Variants in THRB observed in about 807,000 individuals in gnomAD.
The protein encoded by THRB is thyroid hormone receptor beta.
Under a neutral mutation model 47.8 loss-of-function variants are expected in THRB, and 12 were observed. The observed-to-expected ratio is 0.25, with a 90% CI of 0.16 to 0.41. THRB has a LOEUF of 0.41. THRB is among the 10% of genes least tolerant of loss of function. The pLI, the probability that THRB is intolerant of heterozygous loss-of-function variation, is 1.00. For synonymous variants in THRB, 218 were observed against 212.2 expected (o/e 1.03, Z -0.24); for missense variants, 348 against 589.2 (o/e 0.59, Z 4.24).
At chr3:24,404,185 T>C (rs906184330) in intron 1 of THRB, among the ~76,000 whole-genome samples, 4 of 151,976 alleles carry the variant, frequency 2.6e-5, no homozygotes, top group South Asian at 2.1e-4. Flanking sequence ...CATAACTCAG[T>C]GAACCAATAT....
At chr3:24,377,892 T>C (rs2065412222) in intron 1 of THRB, among the ~76,000 whole-genome samples, 1 of 152,114 alleles carries the variant, frequency 6.6e-6, no homozygotes, top group Admixed American at 6.6e-5. Flanking sequence ...ACAGGTTTAA[T>C]GGTAATTTAC....
chr3:24,363,411 G>C (rs1229284446), intron 1 of THRB, among the ~76,000 whole-genome samples: 1 of 152,090 alleles, frequency 6.6e-6, no homozygotes, highest in East Asian at 1.9e-4. Context: ...CAAACACAGG[G>C]TGCCTGAGCT....
intron 1 of THRB, among the ~76,000 whole-genome samples, chr3:24,373,894 A>C (rs2065088956): frequency 6.6e-6 from 1 of 152,090 alleles, no homozygotes; most frequent in African/African-American, 2.4e-5. Flanking sequence ...GGCAAACGCT[A>C]AGCTATCACC....
intron 4 of THRB, among the ~76,000 whole-genome samples, chr3:24,206,924 T>C (rs902012930): frequency 6.6e-6 from 1 of 152,110 alleles, no homozygotes; most frequent in Non-Finnish European, 1.5e-5. Flanking sequence ...CCTGGACACA[T>C]ACACCCTCCC....
intron 1 of THRB, among the ~76,000 whole-genome samples, chr3:24,492,857 A>G (rs1420565015): frequency 6.6e-6 from 1 of 152,238 alleles, no homozygotes; most frequent in Non-Finnish European, 1.5e-5. Context: ...GCCAACAGGA[A>G]TTATTTCACT....
intron 5 of THRB, among the ~76,000 whole-genome samples, chr3:24,177,759 T>C (rs2041356063): frequency 1.3e-5 from 2 of 152,216 alleles, no homozygotes; most frequent in South Asian, 4.1e-4. Flanking sequence ...AAATGGCAAA[T>C]TGAAATTCTT....
intron 1 of THRB, among the ~76,000 whole-genome samples, chr3:24,475,646 A>C (rs1346691205): frequency 6.6e-6 from 1 of 152,226 alleles, no homozygotes; most frequent in Non-Finnish European, 1.5e-5. Context: ...TTTTTTAAAA[A>C]TGAGCAAAAC....
chr3:24,386,152 A>G (rs11920973), intron 1 of THRB, among the ~76,000 whole-genome samples: 1 of 152,014 alleles, frequency 6.6e-6, no homozygotes, highest in East Asian at 1.9e-4. Flanking sequence ...CCACGCCTCC[A>G]TTTCCACAGT....
intron 2 of THRB, among the ~76,000 whole-genome samples, chr3:24,334,164 G>A (rs751022853): frequency 1.3e-5 from 2 of 152,110 alleles, no homozygotes; most frequent in African/African-American, 2.4e-5. Flanking sequence ...CTTTTTAGAC[G>A]GTCAAAATGC....
intron 1 of THRB, among the ~76,000 whole-genome samples, chr3:24,478,260 G>T (rs1051095571): frequency 6.6e-6 from 1 of 152,122 alleles, no homozygotes; most frequent in Non-Finnish European, 1.5e-5. Flanking sequence ...TAGTTTTGAG[G>T]AAGCTATCTT....
chr3:24,326,136 CA>C (rs1161541478), intron 2 of THRB, among the ~76,000 whole-genome samples: 1 of 152,156 alleles, frequency 6.6e-6, no homozygotes, highest in Non-Finnish European at 1.5e-5. Context: ...CTGTAGTTGC[CA>C]AAATATAAAT....
At chr3:24,371,264 T>C (rs376629474) in intron 1 of THRB, among the ~76,000 whole-genome samples, 1 of 152,052 alleles carries the variant, frequency 6.6e-6, no homozygotes, top group Admixed American at 6.6e-5. Flanking sequence ...TATGAAGATA[T>C]TTTTACCCAA....
At chr3:24,247,068 T>C (rs796335060) in intron 3 of THRB, among the ~76,000 whole-genome samples, 17 of 152,330 alleles carry the variant, frequency 1.1e-4, no homozygotes, top group African/African-American at 3.4e-4. Flanking sequence ...CTTAGCTCCA[T>C]GGCAAAGGCC....
At chr3:24,290,491 T>C (rs1413041114) in intron 3 of THRB, among the ~76,000 whole-genome samples, 7 of 152,212 alleles carry the variant, frequency 4.6e-5, no homozygotes, top group Non-Finnish European at 8.8e-5. Flanking sequence ...ATACTCAGCA[T>C]TTTGAAACAA....
intron 3 of THRB, among the ~76,000 whole-genome samples, chr3:24,273,866 G>C (rs2053613787): frequency 6.6e-6 from 1 of 151,800 alleles, no homozygotes; most frequent in South Asian, 2.1e-4. Context: ...AGGAACTATG[G>C]GCCTGTATGT....
intron 2 of THRB, among the ~76,000 whole-genome samples, chr3:24,329,893 C>A (rs2061807346): frequency 1.3e-5 from 2 of 152,368 alleles, no homozygotes; most frequent in South Asian, 4.1e-4. Flanking sequence ...TCCAGACCTA[C>A]TGAATCAGAG....
intron 3 of THRB, among the ~76,000 whole-genome samples, chr3:24,277,978 C>G (rs1005824249): frequency 6.6e-6 from 1 of 152,108 alleles, no homozygotes; most frequent in South Asian, 2.1e-4. Context: ...CATGCATGGA[C>G]AGTTTCATTA....
At chr3:24,411,035 C>A (rs1264098058) in intron 1 of THRB, among the ~76,000 whole-genome samples, 2 of 151,822 alleles carry the variant, frequency 1.3e-5, no homozygotes, top group African/African-American at 4.8e-5. Flanking sequence ...TCTCCTCTTT[C>A]TTTTGACCAT....
chr3:24,177,453 C>T (rs1187183716), intron 5 of THRB, among the ~76,000 whole-genome samples: 1 of 152,166 alleles, frequency 6.6e-6, no homozygotes, highest in Non-Finnish European at 1.5e-5. Flanking sequence ...ACACACAGAA[C>T]ACACTCAATT....
Sources: gnomAD v4.1 joint callset for allele counts (sites outside exome capture counted in the v4.1 genomes callset) on GRCh38, gnomAD v4.1.1 for gene constraint, MANE v1.5 for transcripts, NCBI Gene and HGNC (gene_info 2026-07-23, HGNC 2026-07-21) for gene names.